SIK3: variants seen among roughly 807,000 people sequenced by gnomAD.
SIK3 encodes SIK family kinase 3, also known as serine/threonine-protein kinase SIK3.
A neutral mutation model predicts 144.2 loss-of-function variants in SIK3; 28 were observed. The observed-to-expected ratio is 0.19, with a 90% CI of 0.14 to 0.27. SIK3 has a LOEUF of 0.27. Among genes scored for constraint, SIK3 ranks in the 10% least tolerant of loss-of-function variants. SIK3 has a pLI of 1.00. For synonymous variants in SIK3, 686 were observed against 676.3 expected (o/e 1.01, Z -0.22); for missense variants, 1,319 against 1,776.0 (o/e 0.74, Z 4.62).
intron 1 of SIK3, among the ~76,000 whole-genome samples, chr11:116,978,044 C>T (rs1007081365): frequency 1.3e-5 from 2 of 152,056 alleles, no homozygotes; most frequent in Admixed American, 1.3e-4. Flanking sequence ...CGGTGAAACC[C>T]CATCTCTACT....
intron 2 of SIK3, among the ~76,000 whole-genome samples, chr11:116,955,463 G>C (rs943056651): frequency 1.3e-5 from 2 of 152,110 alleles, no homozygotes; most frequent in African/African-American, 2.4e-5. Flanking sequence ...CAAAATTAAA[G>C]CTTGAAAGAA....
intron 3 of SIK3, among the ~76,000 whole-genome samples, chr11:116,936,851 A>G (rs1398243119): frequency 6.6e-6 from 1 of 152,186 alleles, no homozygotes; most frequent in Non-Finnish European, 1.5e-5. Context: ...TGTTTCACCA[A>G]CATGCTGTAC....
In SIK3 at chr11:116,888,971, C is replaced by T. The variant is rs528268509; in HGVS notation, c.865+7282G>A. Among the ~76,000 whole-genome samples the T allele has an allele frequency of 1.1e-4, 17 of 152,222 alleles. No individual in the cohort carries two copies. The South Asian group carries it at 3.5e-3, about 32-fold the overall frequency. On this transcript the variant is annotated intron_variant, in intron 6 of 24. Transcript: ENST00000445177. ...GGAAGGGTTCAGTAAGAATCTCTTG[C>T]CATGGTGTGAGGTGATGGGGGTGGA...
chr11:116,946,568 C>G (rs1444940811), intron 3 of SIK3, among the ~76,000 whole-genome samples: 3 of 152,182 alleles, frequency 2.0e-5, no homozygotes, highest in African/African-American at 7.2e-5. Flanking sequence ...GAGGGAGATA[C>G]TATCTCTGTC....
intron 1 of SIK3, among the ~76,000 whole-genome samples, chr11:117,013,903 G>GTGTGTGTGTGTGTGTGTATGT (rs1555127047): frequency 1.9e-5 from 1 of 52,766 alleles, no homozygotes; most frequent in Non-Finnish European, 4.4e-5. Flanking sequence ...ATTCTGAGGG[G>GTGTGTGTGTGTGTGTGTATGT]GGGGGGGGGA....
chr11:116,940,252 CAG>C (rs1381620390), intron 3 of SIK3, among the ~76,000 whole-genome samples: 7 of 138,866 alleles, frequency 5.0e-5, no homozygotes, highest in Non-Finnish European at 9.2e-5. Flanking sequence ...TTTTTTGAGA[CAG>C]AGTCTCACTC....
At chr11:117,083,521 G>A (rs1258650284) in intron 1 of SIK3, among the ~76,000 whole-genome samples, 1 of 152,154 alleles carries the variant, frequency 6.6e-6, no homozygotes, top group African/African-American at 2.4e-5. Context: ...TGTTGATGTA[G>A]AAATGGAAAG....
rs546497418 is a variant in SIK3, at chr11:116,925,590, G to A, written c.616+1629C>T. Among the ~76,000 whole-genome samples, 4 of 152,344 alleles carry A rather than the reference G, an allele frequency of 2.6e-5. No individual in the cohort carries two copies. In the South Asian group the frequency reaches 8.3e-4, roughly 32 times the overall value. Reference sequence around the variant, plus strand: ...GGCTAACAAATCTGTGTTTTTCCAAGTCATTAAGTTTGTGGTAATTTGTTA... The same window carrying A: ...GGCTAACAAATCTGTGTTTTTCCAAATCATTAAGTTTGTGGTAATTTGTTA... On this transcript the variant is annotated intron_variant, in intron 4 of 24. Transcript: ENST00000445177.
chr11:117,028,095 C>T (rs548538040), intron 1 of SIK3, among the ~76,000 whole-genome samples: 1 of 152,082 alleles, frequency 6.6e-6, no homozygotes, highest in East Asian at 1.9e-4. Context: ...AATAGTATTA[C>T]TACTACTACT....
intron 6 of SIK3, among the ~76,000 whole-genome samples, chr11:116,892,021 G>A (rs1230595478): frequency 2.0e-5 from 3 of 152,116 alleles, no homozygotes; most frequent in Non-Finnish European, 4.4e-5. Flanking sequence ...TCTAGGGAGG[G>A]GGAAGTCAAG....
chr11:116,951,840 AG>A (rs1368243248), intron 3 of SIK3, among the ~76,000 whole-genome samples: 1 of 152,078 alleles, frequency 6.6e-6, no homozygotes, highest in Non-Finnish European at 1.5e-5. Context: ...AAGCTAAGGC[AG>A]GAGGATTACT....
intron 1 of SIK3, among the ~76,000 whole-genome samples, chr11:116,977,404 C>T (rs1010297939): frequency 1.3e-5 from 2 of 152,124 alleles, no homozygotes; most frequent in Non-Finnish European, 2.9e-5. Context: ...GTGAGTTGGG[C>T]TCTTCAAAGA....
Position 117,070,158 on chromosome 11 carries a change from C to T in SIK3, c.273+27985G>A, listed in dbSNP as rs562788902. Among the ~76,000 whole-genome samples, 3 of 152,344 alleles carry T rather than the reference C, an allele frequency of 2.0e-5. No individual in the cohort carries two copies. In the South Asian group the frequency reaches 6.2e-4, roughly 32 times the overall value. ...ATGAGAAGCTATGCAATGGTAACCT[C>T]AAATACAACCCCTTCACTAGAAAAC... On this transcript the variant is annotated intron_variant, in intron 1 of 24. Coordinates refer to ENST00000445177, the MANE Select transcript of SIK3 (RefSeq NM_001366686.3).
chr11:117,004,016 A>C (rs889179621), intron 1 of SIK3, among the ~76,000 whole-genome samples: 1 of 152,220 alleles, frequency 6.6e-6, no homozygotes, highest in South Asian at 2.1e-4. Flanking sequence ...CTAAGAAATT[A>C]AAGTATTTAT....
chr11:116,917,608 C>G (rs974223566), intron 4 of SIK3, among the ~76,000 whole-genome samples: 1 of 151,764 alleles, frequency 6.6e-6, no homozygotes, highest in Non-Finnish European at 1.5e-5. Context: ...ACTTGGGAGG[C>G]TGAGGTGGGA....
intron 4 of SIK3, among the ~76,000 whole-genome samples, chr11:116,903,510 C>A (rs568446766): frequency 8.5e-5 from 13 of 152,262 alleles, no homozygotes; most frequent in East Asian, 3.9e-4. Context: ...AACACAAATT[C>A]AAGCAATGAG....
chr11:116,979,599 C>G (rs948589182), intron 1 of SIK3, among the ~76,000 whole-genome samples: 7 of 152,146 alleles, frequency 4.6e-5, no homozygotes, highest in Non-Finnish European at 8.8e-5. Flanking sequence ...ATAATCCCAG[C>G]ACTGTGGGAG....
chr11:116,946,831 C>A lies in SIK3; in HGVS notation c.454+7213G>T, dbSNP rs377005401. ...TGCCATTTTATTAATATTTCCCTAG[C>A]CAGGCCAGGAGCGTTGGCTCACGCC... is the stretch of plus-strand genomic sequence containing the variant. On this transcript the variant is annotated intron_variant, in intron 3 of 24. Transcript: ENST00000445177. Among the ~76,000 whole-genome samples, 6 of 152,058 alleles carry A rather than the reference C, an allele frequency of 3.9e-5. No homozygotes were observed. In the East Asian group the frequency reaches 7.7e-4, roughly 20 times the overall value.
intron 1 of SIK3, among the ~76,000 whole-genome samples, chr11:117,009,503 T>C (rs756627232): frequency 3.3e-5 from 5 of 151,008 alleles, no homozygotes; most frequent in African/African-American, 7.3e-5. Context: ...GAGGCTGCAG[T>C]TAGCAATGAC....
Sources: gnomAD v4.1 joint callset for allele counts (sites outside exome capture counted in the v4.1 genomes callset) on GRCh38, gnomAD v4.1.1 for gene constraint, MANE v1.5 for transcripts, NCBI Gene and HGNC (gene_info 2026-07-23, HGNC 2026-07-21) for gene names.